ADNP: variants seen among roughly 807,000 people sequenced by gnomAD.
ADNP encodes activity dependent neuroprotector homeobox.
Under a neutral mutation model 84.9 loss-of-function variants are expected in ADNP, and 4 were observed. The ratio of observed to expected loss-of-function variants is 0.05; its 90% confidence interval spans 0.02 to 0.11. The LOEUF (loss-of-function observed/expected upper bound fraction) is 0.11. Ranked by LOEUF, ADNP falls within the 10% of genes least tolerant of loss-of-function variation. The pLI, the probability that ADNP is intolerant of heterozygous loss-of-function variation, is 1.00. For synonymous variants in ADNP, 554 were observed against 468.1 expected (o/e 1.18, Z -2.37); for missense variants, 1,132 against 1,326.0 (o/e 0.85, Z 2.27).
chr20:50,928,313 T>G (rs1288890101), intron 2 of ADNP, among the ~76,000 whole-genome samples: 1 of 152,250 alleles, frequency 6.6e-6, no homozygotes, highest in Non-Finnish European at 1.5e-5. Flanking sequence ...AAAACCATGT[T>G]TTCATCAGAC....
chr20:50,898,827 A>T (rs1981672117), intron 5 of ADNP, among the ~76,000 whole-genome samples: 3 of 152,240 alleles, frequency 2.0e-5, no homozygotes, highest in African/African-American at 7.2e-5. Flanking sequence ...TTTAAAAAGT[A>T]GGAGTACACT....
At chr20:50,922,610 C>T (rs1397872453) in intron 2 of ADNP, among the ~76,000 whole-genome samples, 2 of 142,902 alleles carry the variant, frequency 1.4e-5, no homozygotes, top group East Asian at 4.2e-4. Flanking sequence ...GACAGAATCT[C>T]ACTCTGTCCC....
At chr20:50,920,745 AG>A (rs1600990808) in intron 2 of ADNP, among the ~76,000 whole-genome samples, 2 of 152,162 alleles carry the variant, frequency 1.3e-5, no homozygotes, top group East Asian at 3.9e-4. Context: ...CGAGGGGAAA[AG>A]AAAAGGTTCA....
intron 2 of ADNP, among the ~76,000 whole-genome samples, chr20:50,920,759 G>A (rs1463420557): frequency 6.6e-6 from 1 of 152,084 alleles, no homozygotes; most frequent in Non-Finnish European, 1.5e-5. Flanking sequence ...AAGGTTCACA[G>A]GTGAAGCTTA....
chr20:50,892,342 G>C lies in ADNP; in HGVS notation c.2372C>G (p.Ala791Gly). The C allele has an allele frequency of 6.2e-7, 1 of 1,614,120 alleles. No individual in the cohort carries two copies. The highest frequency in any genetic ancestry group is 1.1e-5 in the South Asian group (1 of 91,078). Residue 791 changes from alanine to glycine, a missense_variant, in exon 6 of 6, where the codon GCC (alanine) becomes GGC (glycine). Coordinates refer to ENST00000621696, the MANE Select transcript of ADNP (RefSeq NM_001282531.3). ...GTCACTCTTCCATAACCATAAACTG[G>C]CTGCTAGCTTCTCAATTTCTCTCCT... The part of the protein sequence containing the change: ...PTRREIEKLA[A>G]SLWLWKSDIA...
chr20:50,924,788 G>A (rs1984178618), intron 2 of ADNP, among the ~76,000 whole-genome samples: 1 of 152,196 alleles, frequency 6.6e-6, no homozygotes, highest in African/African-American at 2.4e-5. Flanking sequence ...TTACTGAAGA[G>A]GGTATTAGGA....
At chr20:50,917,474 G>GA (rs1983603047) in intron 2 of ADNP, among the ~76,000 whole-genome samples, 1 of 152,156 alleles carries the variant, frequency 6.6e-6, no homozygotes, top group African/African-American at 2.4e-5. Context: ...CTTGTAAAAT[G>GA]AAAACCACAA....
rs561053050 is a variant in ADNP at position 50,908,630 on chromosome 20, T to C, written c.-89-3781A>G. 3.3e-5 allele frequency among the ~76,000 whole-genome samples: 5 copies of C among 151,852 alleles called. No homozygotes were observed. In the East Asian group the frequency reaches 9.7e-4, roughly 30 times the overall value. ...TCTACTAAAAATACAAAAAATTAGC[T>C]AGGCGTGGTGGTGGGCACCTGTAGT... On this transcript the variant is annotated intron_variant, in intron 2 of 5. Coordinates refer to ENST00000621696, the MANE Select transcript of ADNP (RefSeq NM_001282531.3).
rs777992198 is a variant in ADNP at position 50,892,490 on chromosome 20, A to T, written c.2224T>A (p.Phe742Ile). 3.7e-6 allele frequency: 6 copies of T among 1,614,178 alleles called. No homozygotes were observed. The South Asian group carries it at 6.6e-5, about 18-fold the overall frequency. Residue 742 changes from phenylalanine to isoleucine, a missense_variant, in exon 6 of 6, where the codon TTT becomes ATT. Around this residue, in one of 10 missense-constraint regions of ADNP, gnomAD observed 101 missense variants for 78.5 expected, o/e 1.29. Coordinates refer to ENST00000621696, the MANE Select transcript of ADNP (RefSeq NM_001282531.3). ...ACAGGCTCTTCAGGCTTCTCTTCAA[A>T]GAAGCTGGGTGAATCACTATCATCA... is the stretch of plus-strand genomic sequence containing the variant. Reference protein sequence around the residue: ...LDDDSDSPSFFEEKPEEPVVL... With the variant: ...LDDDSDSPSFIEEKPEEPVVL...
Position 50,891,125 on chromosome 20 carries a change from G to A in ADNP, c.*280C>T. The A allele has an allele frequency of 8.3e-7, 1 of 1,207,576 alleles. No homozygotes were observed. Among genetic ancestry groups the A allele is most frequent in the Non-Finnish European group, 1.0e-6 (1 of 971,856 alleles). 74.8% of individuals were successfully genotyped at this position (1,207,576 alleles called of 1,614,324 possible). A position where few individuals can be genotyped will look rare whatever the true frequency, so the allele number is the denominator to read the frequency against. On this transcript the variant is annotated 3_prime_UTR_variant, in exon 6 of 6. Coordinates refer to ENST00000621696, the MANE Select transcript of ADNP (RefSeq NM_001282531.3). ...ACAGAGGGAAAGAAATGTTGAAAAG[G>A]CAGATAAAATAAACCTCTGCTTTTC...
At chr20:50,930,155 T>G (rs1228159566) in intron 1 of ADNP, among the ~76,000 whole-genome samples, 3 of 152,176 alleles carry the variant, frequency 2.0e-5, no homozygotes, top group Non-Finnish European at 4.4e-5. Flanking sequence ...TGCAGCTCTC[T>G]GGATTTCCAT....
Position 50,894,117 on chromosome 20 carries a change from C to T in ADNP, c.597G>A (p.Lys199=). 6.2e-7 allele frequency: 1 copy of T among 1,614,122 alleles called. No homozygotes were observed. The highest frequency in any genetic ancestry group is 1.3e-5 in the African/African-American group (1 of 75,016). The change falls in exon 6 of 6, where the codon AAG becomes AAA. Residue 199 remains lysine (K), a synonymous_variant. Coordinates refer to ENST00000621696, the MANE Select transcript of ADNP (RefSeq NM_001282531.3). The part of the protein sequence containing the change: ...FQHVAAPYIA[K]AGEKSLNGAV... ...CCCCATTGAGTGATTTTTCTCCTGCCTTTGCTATGTAAGGTGCTGCCACAT... is the reference window on the plus strand; with the variant it reads ...CCCCATTGAGTGATTTTTCTCCTGCTTTTGCTATGTAAGGTGCTGCCACAT...
At chr20:50,922,596 T>A (rs75398540) in intron 2 of ADNP, among the ~76,000 whole-genome samples, 115 of 148,616 alleles carry the variant, frequency 7.7e-4, no homozygotes, top group East Asian at 1.4e-3. Flanking sequence ...TTTTTTTTTT[T>A]AAAGACAGAA....
At position 50,893,316 on chromosome 20, in the gene ADNP, T is replaced by C; in HGVS notation, c.1398A>G (p.Glu466=). Reference sequence around the variant, plus strand: ...GGACTTTCTCAGCTTTATGTTCTTTTTCGAAGTGCACACTATAGACATTTT... The same window carrying C: ...GGACTTTCTCAGCTTTATGTTCTTTCTCGAAGTGCACACTATAGACATTTT... The part of the protein sequence containing the change: ...FPENVYSVHF[E]KEHKAEKVPA... The change falls in exon 6 of 6, where the codon GAA becomes GAG. Residue 466 remains glutamate (E), a synonymous_variant. Transcript: ENST00000621696. This position sits in a 1 kb window ranked among gnomAD's most constrained non-coding sequence, Gnocchi z 4.4. The C allele has an allele frequency of 6.2e-7, 1 of 1,614,256 alleles. No individual in the cohort carries two copies.
chr20:50,912,745 T>C (rs1207628848), intron 2 of ADNP, among the ~76,000 whole-genome samples: 1 of 152,124 alleles, frequency 6.6e-6, no homozygotes. Flanking sequence ...CCAATTATTA[T>C]TAGTCTGATC....
At chr20:50,906,851 T>C (rs1982525251) in intron 2 of ADNP, among the ~76,000 whole-genome samples, 1 of 151,990 alleles carries the variant, frequency 6.6e-6, no homozygotes, top group Non-Finnish European at 1.5e-5. Context: ...AAAAGGCTTA[T>C]AAATAAAGCA....
In ADNP at chr20:50,891,549, CTCA is replaced by C. The variant is rs1175470353; in HGVS notation, c.3162_3164del (p.Asp1054del). The C allele has an allele frequency of 2.5e-6, 4 of 1,612,042 alleles. No individual in the cohort carries two copies. The highest frequency in any genetic ancestry group is 1.7e-6 in the Non-Finnish European group (2 of 1,180,048). Reference sequence around the variant, plus strand: ...ACTCAATCTGGGGGTTAGATAAGCGCTCATCATTCTCAGATGCATTCTTCCACT... The same window carrying C: ...ACTCAATCTGGGGGTTAGATAAGCGCTCATTCTCAGATGCATTCTTCCACT... On this transcript the variant is annotated inframe_deletion, in exon 6 of 6. Transcript: ENST00000621696.
Position 50,894,317 on chromosome 20 carries a change from C to A in ADNP, c.397G>T (p.Ala133Ser). 6.2e-7 allele frequency: 1 copy of A among 1,613,656 alleles called. No homozygotes were observed. The highest frequency in any genetic ancestry group is 8.5e-7 in the Non-Finnish European group (1 of 1,179,918). ...CTGAGGCTGCTACTTGGTGCGCTGGCGTTCGGAGCATGAAATATTTTAATG... is the reference window on the plus strand; with the variant it reads ...CTGAGGCTGCTACTTGGTGCGCTGGAGTTCGGAGCATGAAATATTTTAATG... ...THIKIFHAPNASAPSSSLSTF... is the reference protein window; with the variant it reads ...THIKIFHAPNSSAPSSSLSTF... The change falls in exon 6 of 6, where the codon GCC becomes TCC. Residue 133 changes from alanine to serine, a missense_variant. Physicochemically the swap from Ala to Ser is moderately conservative, Grantham distance 99 (BLOSUM62 1). Around this residue, in one of 10 missense-constraint regions of ADNP, gnomAD observed 130 missense variants for 183.7 expected, o/e 0.71. Coordinates refer to ENST00000621696, the MANE Select transcript of ADNP (RefSeq NM_001282531.3).
In ADNP at chr20:50,894,116, C is replaced by A; in HGVS notation, c.598G>T (p.Ala200Ser). The change falls in exon 6 of 6, where the codon GCA becomes TCA. Residue 200 changes from alanine to serine, a missense_variant. Physicochemically the swap from Ala to Ser is moderately conservative, Grantham distance 99. Around this residue, in one of 10 missense-constraint regions of ADNP, gnomAD observed 130 missense variants for 183.7 expected, o/e 0.71. Transcript: ENST00000621696. The part of the protein sequence containing the change: ...QHVAAPYIAK[A>S]GEKSLNGAVP... ...GCCCCATTGAGTGATTTTTCTCCTG[C>A]CTTTGCTATGTAAGGTGCTGCCACA... 2.5e-6 allele frequency: 4 copies of A among 1,614,122 alleles called. No individual in the cohort carries two copies. The highest frequency in any genetic ancestry group is 3.4e-6 in the Non-Finnish European group (4 of 1,180,000).
Sources: allele counts gnomAD v4.1 joint callset (sites outside exome capture counted in the v4.1 genomes callset), GRCh38; gene constraint gnomAD v4.1.1; regional missense constraint gnomAD v4.1.1; non-coding constraint Gnocchi (gnomAD v3.1); transcripts MANE v1.5; gene names NCBI Gene and HGNC (gene_info 2026-07-23, HGNC 2026-07-21).